Variants in NT5C1B observed in about 807,000 individuals in gnomAD.
The protein encoded by NT5C1B is cytosolic 5'-nucleotidase 1B.
Under a neutral mutation model 57.8 loss-of-function variants are expected in NT5C1B, and 44 were observed. The observed-to-expected ratio is 0.76, with a 90% confidence interval of 0.60 to 0.98. The LOEUF is 0.98. Among genes scored for constraint, NT5C1B ranks in the 50% least tolerant of loss-of-function variants. NT5C1B has a pLI of 0.00. For missense variants in NT5C1B, 742 were observed against 719.5 expected, an observed-to-expected ratio of 1.03 and a Z score of -0.36; for synonymous variants, 284 against 282.6, an observed-to-expected ratio of 1.00 and a Z score of -0.05.
chr2:18,571,499 T>G (rs1665147279), intron 8 of NT5C1B, among the ~76,000 whole-genome samples: 1 of 151,148 alleles, frequency 6.6e-6, no homozygotes, highest in Non-Finnish European at 1.5e-5. Flanking sequence ...AAAAAAAAAT[T>G]TAAATGATCT....
chr2:18,586,890 C>T lies in NT5C1B; in HGVS notation c.121-499G>A, dbSNP rs554604985. ...TTTAGGAGAAACAAGAATGAAGGACCCCCCGGAACAGCAAAGTAAAAGAGT... is the reference window on the plus strand; with the variant it reads ...TTTAGGAGAAACAAGAATGAAGGACTCCCCGGAACAGCAAAGTAAAAGAGT... On this transcript the variant is annotated intron_variant, in intron 2 of 8. Coordinates refer to ENST00000304081, the Ensembl canonical transcript of NT5C1B. The T allele has an allele frequency of 3.1e-4, 481 of 1,544,254 alleles. 1 individual carries two copies. The highest frequency in any genetic ancestry group is 4.0e-4 in the Non-Finnish European group (451 of 1,140,200).
At chr2:18,564,203 T>C (rs1473392434) in intron 8 of NT5C1B, 84 bp from the exon 9 acceptor site, 10 of 1,431,608 alleles carry the variant, frequency 7.0e-6, no homozygotes, top group East Asian at 7.0e-5. Context: ...TATGATACGA[T>C]ACAATACAAA....
exon 6 of NT5C1B, chr2:18,582,944 G>A (rs1666312374): frequency 6.2e-7 from 1 of 1,613,948 alleles, no homozygotes; most frequent in South Asian, 1.1e-5. Flanking sequence ...TATCAAATAA[G>A]TCCTGTTCAT....
At chr2:18,585,008 G>A in intron 3 of NT5C1B, 30 bp from the exon 4 acceptor site, 3 of 1,576,214 alleles carry the variant, frequency 1.9e-6, no homozygotes, top group Non-Finnish European at 2.6e-6. Context: ...GTCTGAAGTC[G>A]AGGCCTGCCT....
At chr2:18,579,726 CA>C (rs756415986) in intron 6 of NT5C1B, among the ~76,000 whole-genome samples, 11 of 152,000 alleles carry the variant, frequency 7.2e-5, no homozygotes, top group Non-Finnish European at 1.6e-4. Flanking sequence ...CAGGCTTTGG[CA>C]AAGATTTCAT....
At chr2:18,585,295 T>G (rs1666597820) in intron 3 of NT5C1B, 6 of 619,092 alleles carry the variant, frequency 9.7e-6, no homozygotes, top group South Asian at 9.2e-5. Context: ...TTTGCAAAGT[T>G]CTGTCCCCTG....
At chr2:18,570,349 A>G (rs1285164263) in intron 8 of NT5C1B, among the ~76,000 whole-genome samples, 1 of 152,056 alleles carries the variant, frequency 6.6e-6, no homozygotes, top group East Asian at 1.9e-4. Flanking sequence ...TGACCAAGAA[A>G]AACAACAACA....
chr2:18,587,109 C>G, intron 2 of NT5C1B: 1 of 1,614,196 alleles, frequency 6.2e-7, no homozygotes, highest in Non-Finnish European at 8.5e-7. Flanking sequence ...GCAGCGTCTA[C>G]ACGACGAGTG....
At chr2:18,587,192 A>G (rs1452040246) in intron 2 of NT5C1B, 1 of 1,606,842 alleles carries the variant, frequency 6.2e-7, no homozygotes, top group Admixed American at 1.7e-5. Context: ...TTGTGCAGAA[A>G]GTGGTCAATG....
In NT5C1B at chr2:18,584,491, C is replaced by T. The variant is rs774760477; in HGVS notation, c.723+23G>A. 3.9e-5 allele frequency: 63 copies of T among 1,599,652 alleles called. 1 individual carries two copies. The Middle Eastern group carries it at 9.3e-4, about 24-fold the overall frequency. On this transcript the variant is annotated intron_variant, in intron 4 of 8. Coordinates refer to ENST00000304081, the Ensembl canonical transcript of NT5C1B. The surrounding 1 kb of genome is among the most constrained non-coding windows in gnomAD (Gnocchi z 5.8). The stretch of plus-strand genomic sequence containing the variant: ...GCTGCAAGGAAGGGCGCCCCGGCTG[C>T]CAGGGGCGGCGGGCTGGCTCACCGG...
intron 5 of NT5C1B, chr2:18,583,746 CTGTAATATGGCG>C: frequency 2.2e-6 from 1 of 454,190 alleles, no homozygotes; most frequent in Non-Finnish European, 4.4e-6. Flanking sequence ...TTTCATTTCA[CTGTAATATGGCG>C]TTTTATTTCT....
chr2:18,580,610 C>T (rs1221968591), intron 6 of NT5C1B, among the ~76,000 whole-genome samples: 12 of 152,068 alleles, frequency 7.9e-5, no homozygotes, highest in Admixed American at 7.2e-4. Flanking sequence ...AGCAAAATTC[C>T]GTCTCAAAAA....
In NT5C1B at chr2:18,584,536, G is replaced by A; in HGVS notation, c.701C>T (p.Pro234Leu). The change falls in exon 4 of 9, where the codon CCG becomes CTG. Residue 234 changes from proline (P) to leucine (L), a missense_variant. By Grantham distance (98) the Pro-to-Leu change is moderately conservative. Transcript: ENST00000304081. This position sits in a 1 kb window ranked among gnomAD's most constrained non-coding sequence, Gnocchi z 5.8. Reference sequence around the variant, plus strand: ...CACCGGCCAGGGGCGCGAGCAGCTCGGGTTCTTCTCGTAGAACGACCTCAT... The same window carrying A: ...CACCGGCCAGGGGCGCGAGCAGCTCAGGTTCTTCTCGTAGAACGACCTCAT... The A allele has an allele frequency of 6.2e-7, 1 of 1,611,480 alleles. No individual in the cohort carries two copies. Among genetic ancestry groups the A allele is most frequent in the Non-Finnish European group, 8.5e-7 (1 of 1,179,162 alleles).
At chr2:18,586,534 C>T in intron 2 of NT5C1B, 143 bp from the exon 3 acceptor site, 1 of 1,222,902 alleles carries the variant, frequency 8.2e-7, no homozygotes, top group Non-Finnish European at 1.1e-6. Flanking sequence ...TTAACTCAAC[C>T]TGAACTCTTC....
At chr2:18,589,277 CTCTT>C (rs1483864976) in intron 1 of NT5C1B, among the ~76,000 whole-genome samples, 158 bp downstream of exon 1, 1 of 152,178 alleles carries the variant, frequency 6.6e-6, no homozygotes, top group Non-Finnish European at 1.5e-5. Flanking sequence ...CTTTTCTGTA[CTCTT>C]TCCATTGCCT....
chr2:18,589,369 G>A, intron 1 of NT5C1B, 70 bp downstream of exon 1: 1 of 1,601,994 alleles, frequency 6.2e-7, no homozygotes, highest in Non-Finnish European at 8.6e-7. Flanking sequence ...CTTTGCAGAG[G>A]CAAATGATGG....
intron 8 of NT5C1B, among the ~76,000 whole-genome samples, chr2:18,565,659 C>T (rs62127381): frequency 0.011 from 1,727 of 152,232 alleles, 19 homozygotes; most frequent in South Asian, 0.028. Flanking sequence ...GGCCATGTCT[C>T]AGTGATGGTC....
At chr2:18,563,761 C>T in exon 9 of NT5C1B, 1 of 1,478,350 alleles carries the variant, frequency 6.8e-7, no homozygotes, top group Non-Finnish European at 9.0e-7. Flanking sequence ...TTCTGTAACA[C>T]CAGACTATCA....
In NT5C1B at chr2:18,586,110, G is replaced by C. The variant is rs778233531; in HGVS notation, c.258+144C>G. Reference sequence around the variant, plus strand: ...TTCTCAGTGGCAAAATGGGATTTACGGGCAGAAGGGAGTTCTCCCAAGGGC... The same window carrying C: ...TTCTCAGTGGCAAAATGGGATTTACCGGCAGAAGGGAGTTCTCCCAAGGGC... On this transcript the variant is annotated intron_variant, in intron 3 of 8. Coordinates refer to ENST00000304081, the Ensembl canonical transcript of NT5C1B. 5 of 1,266,402 alleles carry C rather than the reference G, an allele frequency of 3.9e-6. No homozygotes were observed. In the South Asian group the frequency reaches 7.5e-5, roughly 19 times the overall value. The allele number at this position is 1,266,402 out of a possible 1,614,324, so 78.4% of individuals were successfully genotyped here.
Sources: gnomAD v4.1 joint callset for allele counts (sites outside exome capture counted in the v4.1 genomes callset) on GRCh38, gnomAD v4.1.1 for gene constraint, Gnocchi (gnomAD v3.1) non-coding constraint, MANE v1.5 for transcripts, NCBI Gene and HGNC (gene_info 2026-07-23, HGNC 2026-07-21) for gene names.